The following REC114 variants were observed in gnomAD, a reference collection of about 807,000 sequenced individuals.
REC114 encodes meiotic recombination protein REC114.
REC114 carries 27 observed loss-of-function variants against 31.3 expected under a neutral mutation model. That is an observed-to-expected ratio of 0.86 (90% CI 0.64 to 1.19). REC114 has a LOEUF of 1.19. Among genes scored for constraint, REC114 ranks in the 50% most tolerant of loss-of-function variants. The pLI is 0.00. For synonymous variants in REC114, 134 were observed against 127.7 expected (o/e 1.05, Z -0.33); for missense variants, 344 against 326.9 (o/e 1.05, Z -0.40).
intron 1 of REC114, among the ~76,000 whole-genome samples, chr15:73,460,190 T>C (rs1944109377): frequency 1.3e-5 from 2 of 152,214 alleles, no homozygotes; most frequent in Admixed American, 1.3e-4. Flanking sequence ...ATAGTTTTCA[T>C]AGAGGCTATG....
At chr15:73,546,882 C>T (rs1394807517) in intron 3 of REC114, among the ~76,000 whole-genome samples, 1 of 150,916 alleles carries the variant, frequency 6.6e-6, no homozygotes, top group Non-Finnish European at 1.5e-5. Flanking sequence ...AAACAAGACT[C>T]CTATCTTTCA....
At chr15:73,480,898 G>A (rs778821440) in intron 2 of REC114, among the ~76,000 whole-genome samples, 12 of 152,044 alleles carry the variant, frequency 7.9e-5, no homozygotes, top group East Asian at 3.9e-4. Flanking sequence ...GGCTGGTCTC[G>A]AACTCCTGAC....
chr15:73,514,303 C>G lies in REC114; in HGVS notation c.250-26182C>G, dbSNP rs868514955. Reference sequence around the variant, plus strand: ...GGCAATGCCGCGCCCTGCTTCGGCTCGCGCACGGTGCGCGCACCCACTGGC... The same window carrying G: ...GGCAATGCCGCGCCCTGCTTCGGCTGGCGCACGGTGCGCGCACCCACTGGC... On this transcript the variant is annotated intron_variant, in intron 2 of 5. Coordinates refer to ENST00000331090, the MANE Select transcript of REC114 (RefSeq NM_001042367.2). Among the ~76,000 whole-genome samples the G allele has an allele frequency of 5.5e-3, 832 of 151,808 alleles. 6 individuals are homozygous for G. Among genetic ancestry groups the G allele is most frequent in the African/African-American group, 0.019 (792 of 41,246 alleles).
At chr15:73,517,761 T>A (rs910248879) in intron 2 of REC114, among the ~76,000 whole-genome samples, 10 of 152,252 alleles carry the variant, frequency 6.6e-5, no homozygotes, top group African/African-American at 1.9e-4. Flanking sequence ...CTTCTGGTTC[T>A]TTGAAGGTCA....
rs79898678 is a variant in REC114, at chr15:73,523,453, C to T, written c.250-17032C>T. The stretch of plus-strand genomic sequence containing the variant: ...AGTGAATGAATGGTTGAAGTCTGGC[C>T]GCTGGGACTGGCCAAGACTTAGCTA... On this transcript the variant is annotated intron_variant, in intron 2 of 5. Transcript: ENST00000331090. 1.5e-3 allele frequency among the ~76,000 whole-genome samples: 223 copies of T among 152,228 alleles called. 6 individuals carry two copies. The East Asian group carries it at 0.038, about 26-fold the overall frequency.
chr15:73,520,473 C>T (rs1322967494), intron 2 of REC114, among the ~76,000 whole-genome samples: 1 of 152,176 alleles, frequency 6.6e-6, no homozygotes, highest in African/African-American at 2.4e-5. Context: ...TTGTGATCCA[C>T]CCACCTTGGC....
chr15:73,531,446 C>T (rs1018221038), intron 2 of REC114, among the ~76,000 whole-genome samples: 3 of 152,104 alleles, frequency 2.0e-5, no homozygotes, highest in Non-Finnish European at 2.9e-5. Context: ...AATTTAGAAA[C>T]GCACTTCATA....
chr15:73,511,468 T>C (rs1893768445), intron 2 of REC114, among the ~76,000 whole-genome samples: 1 of 152,200 alleles, frequency 6.6e-6, no homozygotes, highest in South Asian at 2.1e-4. Flanking sequence ...ATTTTAGTTA[T>C]TTCTTGCTTT....
At chr15:73,525,997 T>C (rs1453669599) in intron 2 of REC114, among the ~76,000 whole-genome samples, 1 of 152,208 alleles carries the variant, frequency 6.6e-6, no homozygotes, top group Non-Finnish European at 1.5e-5. Flanking sequence ...GCTTCATGTA[T>C]TTTGAATAGC....
chr15:73,484,077 T>G (rs1294652261), intron 2 of REC114: 1 of 152,202 alleles, frequency 6.6e-6, no homozygotes, highest in Non-Finnish European at 1.5e-5. Context: ...GTTGTGGAAT[T>G]GGTGTTGTTT....
At chr15:73,501,604 C>G (rs1893604979) in intron 2 of REC114, among the ~76,000 whole-genome samples, 1 of 152,100 alleles carries the variant, frequency 6.6e-6, no homozygotes, top group Admixed American at 6.5e-5. Flanking sequence ...GCCACCACAC[C>G]CAGCTAATTT....
At chr15:73,452,308 G>C (rs1595858840) in intron 1 of REC114, among the ~76,000 whole-genome samples, 1 of 152,120 alleles carries the variant, frequency 6.6e-6, no homozygotes. Flanking sequence ...AAATCAGTGT[G>C]CAAAAATCAC....
At position 73,451,057 on chromosome 15, in the gene REC114, A is replaced by C. The variant is rs955145745; in HGVS notation, c.159+7713A>C. ...AGGAAAGACCTAAGGTTGGCACCCT[A>C]ACATCACAATTAAAAGAACTAGAGA... On this transcript the variant is annotated intron_variant, in intron 1 of 5. Coordinates refer to ENST00000331090, the MANE Select transcript of REC114 (RefSeq NM_001042367.2). 1.8e-4 allele frequency among the ~76,000 whole-genome samples: 28 copies of C among 152,342 alleles called. 1 individual carries two copies. Among genetic ancestry groups the C allele is most frequent in the Admixed American group, 1.5e-3 (23 of 15,300 alleles).
chr15:73,464,826 C>CT (rs905909043), intron 1 of REC114, among the ~76,000 whole-genome samples: 3 of 152,132 alleles, frequency 2.0e-5, no homozygotes, highest in Non-Finnish European at 4.4e-5. Flanking sequence ...CCTACTAGCT[C>CT]TTTTTTTGTG....
intron 4 of REC114, among the ~76,000 whole-genome samples, chr15:73,554,023 A>G (rs1349632041): frequency 6.6e-6 from 1 of 152,216 alleles, no homozygotes; most frequent in Non-Finnish European, 1.5e-5. Flanking sequence ...AAATATAATC[A>G]CAAAATCCAT....
At chr15:73,493,982 G>A (rs969969365) in intron 2 of REC114, among the ~76,000 whole-genome samples, 2 of 152,142 alleles carry the variant, frequency 1.3e-5, no homozygotes, top group Non-Finnish European at 2.9e-5. Flanking sequence ...CCCCTATTCA[G>A]TAGCTCTTGC....
At chr15:73,531,356 G>A (rs189046315) in intron 2 of REC114, among the ~76,000 whole-genome samples, 1 of 152,202 alleles carries the variant, frequency 6.6e-6, no homozygotes, top group South Asian at 2.1e-4. Context: ...TCTCCCTTTC[G>A]TTGATGGCTT....
At position 73,551,845 on chromosome 15, in the gene REC114, T is replaced by A. The variant is rs192063729; in HGVS notation, c.546+695T>A. Among the ~76,000 whole-genome samples, 590 of 152,334 alleles carry A rather than the reference T, an allele frequency of 3.9e-3. 1 individual carries two copies. The highest frequency in any genetic ancestry group is 6.1e-3 in the Non-Finnish European group (418 of 68,030). On this transcript the variant is annotated intron_variant, in intron 4 of 5. Transcript: ENST00000331090. ...ATAGTATTTATTGAAAATGATAAAA[T>A]TTAAGCTTCCAAGTGAAAATTAGAA...
intron 4 of REC114, 45 bp downstream of exon 4, chr15:73,551,195 A>G: frequency 1.3e-6 from 2 of 1,529,930 alleles, no homozygotes; most frequent in South Asian, 1.2e-5. Flanking sequence ...ATGACAATGC[A>G]GTGCACAATG....
Sources: allele counts gnomAD v4.1 joint callset (sites outside exome capture counted in the v4.1 genomes callset), GRCh38; gene constraint gnomAD v4.1.1; transcripts MANE v1.5; gene names NCBI Gene and HGNC (gene_info 2026-07-23, HGNC 2026-07-21).